The following MACROD2 variants were observed in gnomAD, a reference collection of about 807,000 sequenced individuals.
MACROD2 encodes ADP-ribose glycohydrolase MACROD2.
Under a neutral mutation model 70.4 loss-of-function variants are expected in MACROD2, and 36 were observed. The observed-to-expected ratio is 0.51, with a 90% CI of 0.39 to 0.68. The LOEUF is 0.68. Ranked by LOEUF, MACROD2 falls within the 30% of genes least tolerant of loss-of-function variation. The pLI, the probability that MACROD2 is intolerant of heterozygous loss-of-function variation, is 0.00. For synonymous variants in MACROD2, 172 were observed against 178.8 expected (o/e 0.96, Z 0.30); for missense variants, 496 against 538.4 (o/e 0.92, Z 0.78).
chr20:15,404,142 A>C (rs956567532), intron 6 of MACROD2, among the ~76,000 whole-genome samples: 1 of 152,200 alleles, frequency 6.6e-6, no homozygotes, highest in Non-Finnish European at 1.5e-5. Context: ...GTAGACAACT[A>C]ATATGTCTGC....
chr20:15,616,509 G>C (rs2049041624), intron 8 of MACROD2, among the ~76,000 whole-genome samples: 1 of 152,124 alleles, frequency 6.6e-6, no homozygotes, highest in Admixed American at 6.5e-5. Flanking sequence ...TCACCTGGTA[G>C]CTCATTAGTG....
At chr20:15,541,759 A>G (rs2047958993) in intron 8 of MACROD2, among the ~76,000 whole-genome samples, 1 of 152,198 alleles carries the variant, frequency 6.6e-6, no homozygotes, top group Admixed American at 6.5e-5. Flanking sequence ...TATATGGTAG[A>G]TGCTAAATAC....
intron 3 of MACROD2, among the ~76,000 whole-genome samples, chr20:14,260,288 A>C (rs2082091326): frequency 6.6e-6 from 1 of 152,218 alleles, no homozygotes. Flanking sequence ...AACAAAATGA[A>C]CTATGGTTAA....
intron 4 of MACROD2, among the ~76,000 whole-genome samples, chr20:14,649,767 G>A (rs1985582246): frequency 6.6e-6 from 1 of 152,100 alleles, no homozygotes; most frequent in African/African-American, 2.4e-5. Flanking sequence ...ACATTGTGCT[G>A]GTTGTCAGAT....
chr20:15,551,695 C>A (rs867762116), intron 8 of MACROD2, among the ~76,000 whole-genome samples: 23 of 151,788 alleles, frequency 1.5e-4, no homozygotes, highest in African/African-American at 5.6e-4. Context: ...ATGGCGGAAC[C>A]CCGTCTCTAC....
intron 3 of MACROD2, among the ~76,000 whole-genome samples, chr20:14,428,915 G>A (rs1184769157): frequency 1.3e-5 from 2 of 152,064 alleles, no homozygotes; most frequent in African/African-American, 4.8e-5. Flanking sequence ...TATGCTTTTC[G>A]ATGAGGTAAT....
At position 15,898,215 on chromosome 20, in the gene MACROD2, A is replaced by C. The variant is rs958354099; in HGVS notation, c.775+12404A>C. Reference sequence around the variant, plus strand: ...TGCCTCACACGTGTGGCTCATTCAAATCCAAGCTCTAGCTAGTGGTTCTCA... The same window carrying C: ...TGCCTCACACGTGTGGCTCATTCAACTCCAAGCTCTAGCTAGTGGTTCTCA... On this transcript the variant is annotated intron_variant, in intron 10 of 17. Transcript: ENST00000684519. Among the ~76,000 whole-genome samples the C allele has an allele frequency of 2.6e-5, 4 of 152,164 alleles. No individual in the cohort carries two copies. In the South Asian group the frequency reaches 8.3e-4, roughly 32 times the overall value.
Position 14,306,491 on chromosome 20 carries a change from G to A in MACROD2, c.272-186988G>A, listed in dbSNP as rs547710699. ...TGTGGATCTCCATCTAGTCCTGGAG[G>A]ATATAATTAAAAATTGTTAAATGTT... On this transcript the variant is annotated intron_variant, in intron 3 of 17. Transcript: ENST00000684519. 5.7e-4 allele frequency among the ~76,000 whole-genome samples: 87 copies of A among 152,070 alleles called. 1 individual carries two copies. The South Asian group carries it at 0.017, about 30-fold the overall frequency.
intron 6 of MACROD2, among the ~76,000 whole-genome samples, chr20:15,346,553 C>G (rs987429181): frequency 5.3e-5 from 8 of 152,254 alleles, no homozygotes; most frequent in Middle Eastern, 3.4e-3. Flanking sequence ...GGGCTGGGAC[C>G]TGGGAATCAG....
chr20:15,929,929 A>T (rs1162683744), intron 10 of MACROD2, among the ~76,000 whole-genome samples: 1 of 152,180 alleles, frequency 6.6e-6, no homozygotes. Flanking sequence ...GAAGGACACA[A>T]CCAGTAGAAT....
In MACROD2 at chr20:15,162,127, A is replaced by T. The variant is rs1429467159; in HGVS notation, c.419-67813A>T. Among the ~76,000 whole-genome samples, 3 of 152,070 alleles carry T rather than the reference A, an allele frequency of 2.0e-5. No individual in the cohort carries two copies. In the East Asian group the frequency reaches 5.8e-4, roughly 29 times the overall value. On this transcript the variant is annotated intron_variant, in intron 5 of 17. Transcript: ENST00000684519. The stretch of plus-strand genomic sequence containing the variant: ...GTCTTACAGCTGAAAACTACCTAGA[A>T]GCTGAGTAATAACGGACATTTGAAT...
chr20:15,729,831 C>CTTTTTTTCTTTTT (rs774604378), intron 8 of MACROD2, among the ~76,000 whole-genome samples: 3 of 64,772 alleles, frequency 4.6e-5, no homozygotes, highest in African/African-American at 1.9e-4. Context: ...TTGGGTCATG[C>CTTTTTTTCTTTTT]TTTTTTTTTT....
At chr20:15,530,230 G>A (rs571193356) in intron 8 of MACROD2, among the ~76,000 whole-genome samples, 1 of 152,278 alleles carries the variant, frequency 6.6e-6, no homozygotes, top group African/African-American at 2.4e-5. Context: ...CAAGAGGACA[G>A]TTGAGGTTCA....
chr20:14,214,364 A>G (rs1175899464), intron 3 of MACROD2, among the ~76,000 whole-genome samples: 2 of 152,046 alleles, frequency 1.3e-5, no homozygotes, highest in Non-Finnish European at 2.9e-5. Context: ...CTCCAGCTCA[A>G]TTTCCCCCTG....
At chr20:14,427,787 C>T (rs558063373) in intron 3 of MACROD2, among the ~76,000 whole-genome samples, 2 of 152,166 alleles carry the variant, frequency 1.3e-5, no homozygotes, top group South Asian at 4.1e-4. Context: ...GCTGGAAGTG[C>T]TCAGTTAAAC....
chr20:14,347,146 A>T (rs1395403461), intron 3 of MACROD2, among the ~76,000 whole-genome samples: 1 of 152,220 alleles, frequency 6.6e-6, no homozygotes, highest in African/African-American at 2.4e-5. Context: ...GATAGTAAGG[A>T]GAGAATCAGA....
chr20:15,189,191 C>T (rs1224809963), intron 5 of MACROD2, among the ~76,000 whole-genome samples: 1 of 151,814 alleles, frequency 6.6e-6, no homozygotes, highest in Admixed American at 6.6e-5. Context: ...TTGGAGCCTC[C>T]ATCAGGCTGA....
rs911501667 is a variant in MACROD2 at position 14,684,651 on chromosome 20, C to T, written c.302-192C>T. ...CTTCTGTTCACCACATAACCTCACCCCCCCCCCCCGGCCCCCGCCAACACA... is the reference window on the plus strand; with the variant it reads ...CTTCTGTTCACCACATAACCTCACCTCCCCCCCCCGGCCCCCGCCAACACA... On this transcript the variant is annotated intron_variant, in intron 4 of 17. Coordinates refer to ENST00000684519, the MANE Select transcript of MACROD2 (RefSeq NM_001351661.2). Among the ~76,000 whole-genome samples, 55 of 16,158 alleles carry T rather than the reference C, an allele frequency of 3.4e-3. 2 individuals carry two copies. Among genetic ancestry groups the T allele is most frequent in the Admixed American group, 7.6e-3 (13 of 1,716 alleles). The allele number at this position is 16,158 out of a possible 152,430, so 10.6% of individuals were successfully genotyped here. A position where few individuals can be genotyped will look rare whatever the true frequency, so the allele number is the denominator to read the frequency against.
At chr20:14,493,445 T>C (rs2084816874) in intron 3 of MACROD2, 34 bp from the exon 4 acceptor site, 1 of 1,580,378 alleles carries the variant, frequency 6.3e-7, no homozygotes. Flanking sequence ...ATACATATTA[T>C]TTAATGTCTT....
Sources: allele counts gnomAD v4.1 joint callset (sites outside exome capture counted in the v4.1 genomes callset), GRCh38; gene constraint gnomAD v4.1.1; transcripts MANE v1.5; gene names NCBI Gene and HGNC (gene_info 2026-07-23, HGNC 2026-07-21).